The following DGKB variants were observed in gnomAD, a reference collection of about 807,000 sequenced individuals.
The protein encoded by DGKB is diacylglycerol kinase beta, also known as 90 kDa diacylglycerol kinase.
A neutral mutation model predicts 114.3 loss-of-function variants in DGKB; 67 were observed. The ratio of observed to expected loss-of-function variants is 0.59; its 90% confidence interval spans 0.48 to 0.72. The LOEUF is 0.72. Ranked by LOEUF, DGKB falls within the 30% of genes least tolerant of loss-of-function variation. The pLI is 0.00. For missense variants in DGKB, 907 were observed against 975.2 expected, an observed-to-expected ratio of 0.93 and a Z score of 0.93; for synonymous variants, 398 against 323.1, an observed-to-expected ratio of 1.23 and a Z score of -2.49.
chr7:14,787,551 T>C (rs1840073144), intron 2 of DGKB, among the ~76,000 whole-genome samples: 1 of 152,158 alleles, frequency 6.6e-6, no homozygotes, highest in African/African-American at 2.4e-5. Flanking sequence ...GAAAGGGTGA[T>C]AGACGTAGAG....
chr7:14,357,072 G>C (rs945206376), intron 21 of DGKB, among the ~76,000 whole-genome samples: 1 of 152,224 alleles, frequency 6.6e-6, no homozygotes, highest in Non-Finnish European at 1.5e-5. Flanking sequence ...TGTATATTCT[G>C]TTGATTTGGG....
chr7:14,821,677 G>C (rs1471513387), intron 2 of DGKB, among the ~76,000 whole-genome samples: 2 of 152,180 alleles, frequency 1.3e-5, no homozygotes, highest in Non-Finnish European at 2.9e-5. Flanking sequence ...GGACATGATA[G>C]GGATTCTGAA....
At chr7:14,319,210 C>T (rs1807248815) in intron 23 of DGKB, among the ~76,000 whole-genome samples, 1 of 151,548 alleles carries the variant, frequency 6.6e-6, no homozygotes, top group Admixed American at 6.6e-5. Context: ...GTGGGTGCAG[C>T]ACACCAGCGT....
chr7:14,228,693 G>A (rs546537574), intron 23 of DGKB, among the ~76,000 whole-genome samples: 1 of 151,948 alleles, frequency 6.6e-6, no homozygotes, highest in African/African-American at 2.4e-5. Context: ...ATTTTGTAGC[G>A]ATCAGTAAAA....
intron 23 of DGKB, among the ~76,000 whole-genome samples, chr7:14,320,247 T>A (rs1807495731): frequency 6.6e-6 from 1 of 152,196 alleles, no homozygotes; most frequent in African/African-American, 2.4e-5. Flanking sequence ...AGGTGTTCTA[T>A]CTACTTCTAT....
intron 23 of DGKB, among the ~76,000 whole-genome samples, chr7:14,282,943 A>C (rs1370996795): frequency 6.6e-6 from 1 of 151,974 alleles, no homozygotes; most frequent in African/African-American, 2.4e-5. Context: ...TTCCCTTTGA[A>C]AACTGGCACA....
chr7:14,675,536 T>C (rs946539050), intron 12 of DGKB, among the ~76,000 whole-genome samples: 2 of 151,892 alleles, frequency 1.3e-5, no homozygotes, highest in Non-Finnish European at 2.9e-5. Flanking sequence ...CTCTGTATAT[T>C]GGGATTTGGG....
At chr7:14,440,042 G>C (rs898225201) in intron 21 of DGKB, among the ~76,000 whole-genome samples, 1 of 151,996 alleles carries the variant, frequency 6.6e-6, no homozygotes, top group Non-Finnish European at 1.5e-5. Flanking sequence ...TTTCAAAAAA[G>C]GGTCCAGGGA....
intron 21 of DGKB, among the ~76,000 whole-genome samples, chr7:14,391,376 A>C (rs1265688055): frequency 2.0e-5 from 3 of 152,054 alleles, no homozygotes; most frequent in African/African-American, 7.2e-5. Context: ...GGAGGAGATA[A>C]AAAGGTGACT....
rs1257881538 is a variant in DGKB, at chr7:14,580,853, C to G, written c.1609+9G>C. The stretch of plus-strand genomic sequence containing the variant: ...ACTGTTTCTGCTTTTGTTGTTGCAG[C>G]TGCTTTACCTCCTCCCCATCGCAGG... On this transcript the variant is annotated intron_variant, in intron 19 of 25. Transcript: ENST00000402815. 1 of 1,589,004 alleles carries G rather than the reference C, an allele frequency of 6.3e-7. No homozygotes were observed. The highest frequency in any genetic ancestry group is 2.2e-5 in the East Asian group (1 of 44,620).
chr7:14,237,522 TTGAG>T (rs1792987333), intron 23 of DGKB, among the ~76,000 whole-genome samples: 1 of 151,986 alleles, frequency 6.6e-6, no homozygotes, highest in African/African-American at 2.4e-5. Context: ...GAGCACAGTC[TTGAG>T]TAAGTATAGA....
intron 1 of DGKB, among the ~76,000 whole-genome samples, chr7:14,900,812 A>C (rs1782907320): frequency 6.6e-6 from 1 of 152,184 alleles, no homozygotes. Context: ...TCTAGATTTA[A>C]AAAAATTTTG....
chr7:14,723,555 G>T (rs978396054), intron 5 of DGKB, among the ~76,000 whole-genome samples: 1 of 151,578 alleles, frequency 6.6e-6, no homozygotes, highest in Non-Finnish European at 1.5e-5. Context: ...GCAAATGTGT[G>T]TGTGTGTATA....
rs1781465638 is a variant in DGKB at position 14,146,254 on chromosome 7, T to C, written c.*2877A>G. The C allele has an allele frequency of 6.6e-6, 1 of 152,218 alleles. No individual in the cohort carries two copies. The highest frequency in any genetic ancestry group is 6.5e-5 in the Admixed American group (1 of 15,270). The allele number at this position is 152,218 out of a possible 1,614,324, so 9.4% of individuals were successfully genotyped here. A position where few individuals can be genotyped will look rare whatever the true frequency, so the allele number is the denominator to read the frequency against. On this transcript the variant is annotated 3_prime_UTR_variant, in exon 26 of 26. Transcript: ENST00000402815. The stretch of plus-strand genomic sequence containing the variant: ...ATGTAGATACCTCCCTTCCTATCTC[T>C]TAGAAGCGTGGATATCAAGGTTTAC...
rs1044714563 is a variant in DGKB at position 14,653,229 on chromosome 7, A to C, written c.1134+19700T>G. Among the ~76,000 whole-genome samples, 43 of 149,594 alleles carry C rather than the reference A, an allele frequency of 2.9e-4. No homozygotes were observed. In the East Asian group the frequency reaches 8.6e-3, roughly 30 times the overall value. Reference sequence around the variant, plus strand: ...ACGTATGTTTATTGCGGCATTATTCACAACAGCAAAGACTTGGAACCAACC... The same window carrying C: ...ACGTATGTTTATTGCGGCATTATTCCCAACAGCAAAGACTTGGAACCAACC... On this transcript the variant is annotated intron_variant, in intron 13 of 25. Transcript: ENST00000402815.
chr7:14,280,050 T>C (rs1799694477), intron 23 of DGKB, among the ~76,000 whole-genome samples: 1 of 152,080 alleles, frequency 6.6e-6, no homozygotes, highest in Non-Finnish European at 1.5e-5. Flanking sequence ...CTTCAGACGA[T>C]CAAATTACTC....
intron 21 of DGKB, among the ~76,000 whole-genome samples, chr7:14,411,542 A>G (rs917990617): frequency 1.3e-5 from 2 of 152,176 alleles, no homozygotes; most frequent in Non-Finnish European, 2.9e-5. Flanking sequence ...CTGGGTTCAA[A>G]TTGTTGGTCT....
chr7:14,680,309 T>C (rs924550688), intron 12 of DGKB, among the ~76,000 whole-genome samples: 2 of 152,040 alleles, frequency 1.3e-5, no homozygotes, highest in African/African-American at 4.8e-5. Flanking sequence ...CAAAATCACA[T>C]TCAGCTATTC....
chr7:14,744,869 C>T lies in DGKB; in HGVS notation c.169-8675G>A, dbSNP rs1833043691. 2.6e-5 allele frequency among the ~76,000 whole-genome samples: 4 copies of T among 152,256 alleles called. No individual in the cohort carries two copies. In the South Asian group the frequency reaches 6.2e-4, roughly 24 times the overall value. On this transcript the variant is annotated intron_variant, in intron 4 of 25. Transcript: ENST00000402815. ...TTTGCCTACATTTTACATTAACCCT[C>T]TTATTCCTGTGAACCAACCAGCAAT...
Sources: allele counts gnomAD v4.1 joint callset (sites outside exome capture counted in the v4.1 genomes callset), GRCh38; gene constraint gnomAD v4.1.1; transcripts MANE v1.5; gene names NCBI Gene and HGNC (gene_info 2026-07-23, HGNC 2026-07-21).